DIDO1: variants seen among roughly 807,000 people sequenced by gnomAD.
DIDO1 encodes death-inducer obliterator 1.
In DIDO1, 16 loss-of-function variants were observed where a neutral mutation model predicts 99.4. That is an observed-to-expected ratio of 0.16 (90% CI 0.11 to 0.24). The LOEUF is 0.24. DIDO1 is among the 10% of genes least tolerant of loss of function. The pLI is 1.00. For missense variants in DIDO1, 2,996 were observed against 3,014.0 expected, an observed-to-expected ratio of 0.99 and a Z score of 0.14; for synonymous variants, 1,366 against 1,239.1, an observed-to-expected ratio of 1.10 and a Z score of -2.15.
In DIDO1 at chr20:62,895,030, G is replaced by T. The variant is rs757687449; in HGVS notation, c.2331+19C>A. On this transcript the variant is annotated intron_variant, in intron 9 of 15. Coordinates refer to ENST00000395343, the MANE Select transcript of DIDO1 (RefSeq NM_001193369.2). ...AGCTCGAGTCCTGGGTGCCTCCGCA[G>T]GTACCCCTCAGCACTCACAGATCTC... 6.2e-7 allele frequency: 1 copy of T among 1,601,668 alleles called. No individual in the cohort carries two copies. The highest frequency in any genetic ancestry group is 1.1e-5 in the South Asian group (1 of 90,888).
chr20:62,904,345 G>T (rs543605510), intron 6 of DIDO1, among the ~76,000 whole-genome samples: 1 of 152,156 alleles, frequency 6.6e-6, no homozygotes, highest in African/African-American at 2.4e-5. Flanking sequence ...CTCAAACAAT[G>T]TAAGGTATCG....
intron 5 of DIDO1, 48 bp from the exon 6 acceptor site, chr20:62,906,148 AC>A: frequency 1.9e-6 from 3 of 1,571,928 alleles, no homozygotes; most frequent in Non-Finnish European, 2.6e-6. Flanking sequence ...AAGAAATCAT[AC>A]CTTCACTTCA....
At chr20:62,926,060 C>G (rs1268301529) in intron 1 of DIDO1, among the ~76,000 whole-genome samples, 1 of 152,112 alleles carries the variant, frequency 6.6e-6, no homozygotes, top group Non-Finnish European at 1.5e-5. Context: ...TACGCAGCCC[C>G]CGAGCCCCGG....
rs372315232 is a variant in DIDO1, at chr20:62,894,516, C to T, written c.2469G>A (p.Glu823=). 4.6e-5 allele frequency: 74 copies of T among 1,612,854 alleles called. No individual in the cohort carries two copies. Among genetic ancestry groups the T allele is most frequent in the Non-Finnish European group, 5.9e-5 (70 of 1,180,024 alleles). The part of the protein sequence containing the change: ...EQQESARAVP[E]KSTAPLLDVF... Reference sequence around the variant, plus strand: ...CGTCGAGAAGCGGCGCTGTGCTCTTCTCAGGGACAGCACGTGCTGACTCTT... The same window carrying T: ...CGTCGAGAAGCGGCGCTGTGCTCTTTTCAGGGACAGCACGTGCTGACTCTT... The change falls in exon 11 of 16, where the codon GAG becomes GAA. Residue 823 remains glutamate, a synonymous_variant. Coordinates refer to ENST00000395343, the MANE Select transcript of DIDO1 (RefSeq NM_001193369.2). The surrounding 1 kb of genome is among the most constrained non-coding windows in gnomAD (Gnocchi z 4.4).
chr20:62,930,738 CTT>C (rs1257080583), upstream of DIDO1, among the ~76,000 whole-genome samples: 2 of 152,206 alleles, frequency 1.3e-5, no homozygotes, highest in Non-Finnish European at 2.9e-5. Context: ...TGTGCTATGA[CTT>C]TTAACTAGAA....
Position 62,880,012 on chromosome 20 carries a change from T to C in DIDO1, c.5944A>G (p.Arg1982Gly). 1 of 1,611,812 alleles carries C rather than the reference T, an allele frequency of 6.2e-7. No homozygotes were observed. Reference sequence around the variant, plus strand: ...CCAAACTGCAGGGGTGCAGGCGCCCTTTGGTTTGTGAATCTTGGTGGTGAA... The same window carrying C: ...CCAAACTGCAGGGGTGCAGGCGCCCCTTGGTTTGTGAATCTTGGTGGTGAA... ...VHSPPRFTNQRAPAPLQFGGL... is the reference protein window; with the variant it reads ...VHSPPRFTNQGAPAPLQFGGL... The change falls in exon 16 of 16, where the codon AGG becomes GGG. Residue 1982 changes from arginine (R) to glycine (G), a missense_variant. Arg to Gly is a moderately radical substitution (Grantham distance 125). Transcript: ENST00000395343.
chr20:62,913,816 G>A lies in DIDO1; in HGVS notation c.-3+394C>T, dbSNP rs563815839. Among the ~76,000 whole-genome samples, 4 of 152,360 alleles carry A rather than the reference G, an allele frequency of 2.6e-5. No homozygotes were observed. In the East Asian group the frequency reaches 7.7e-4, roughly 29 times the overall value. On this transcript the variant is annotated intron_variant, in intron 2 of 15. Transcript: ENST00000395343. ...CCATGCTGGTAGCTTTCTACAGGAA[G>A]AGCTCTAGTTTATAAAACTGGGTTC...
Position 62,911,227 on chromosome 20 carries a change from G to A in DIDO1, c.386C>T (p.Ser129Phe), listed in dbSNP as rs2064930292. 6.2e-7 allele frequency: 1 copy of A among 1,613,440 alleles called. No homozygotes were observed. The highest frequency in any genetic ancestry group is 1.7e-5 in the Admixed American group (1 of 60,010). The change falls in exon 3 of 16, where the codon TCC (serine) becomes TTC (phenylalanine). Residue 129 changes from serine to phenylalanine, a missense_variant. Around this residue, in one of 5 missense-constraint regions of DIDO1, gnomAD observed 388 missense variants for 376.6 expected, o/e 1.03. Coordinates refer to ENST00000395343, the MANE Select transcript of DIDO1 (RefSeq NM_001193369.2). The surrounding 1 kb of genome is among the most constrained non-coding windows in gnomAD (Gnocchi z 7.0). The stretch of plus-strand genomic sequence containing the variant: ...GGCTGGTCGTTCCTTCACAGCTGTG[G>A]AAGCAGACTGGGGGCCGCTTCTGGT... ...SETRSGPQSA[S>F]TAVKERPASS...
intron 6 of DIDO1, among the ~76,000 whole-genome samples, chr20:62,904,780 CAAAAAAA>C (rs58039393): frequency 0.042 from 2,603 of 62,562 alleles, 65 homozygotes; most frequent in Middle Eastern, 0.11. Flanking sequence ...ACTCTTGTCT[CAAAAAAA>C]AAAAAAAAAA....
intron 15 of DIDO1, chr20:62,889,348 G>A (rs1300059935): frequency 3.9e-5 from 38 of 972,590 alleles, no homozygotes; most frequent in South Asian, 9.5e-5. Flanking sequence ...GGCATGCGCC[G>A]GGGCTCGCTC....
At chr20:62,926,749 G>A (rs1234416172), upstream of DIDO1, among the ~76,000 whole-genome samples, 1 of 152,262 alleles carries the variant, frequency 6.6e-6, no homozygotes, top group Non-Finnish European at 1.5e-5. Flanking sequence ...CAGTGCCCTT[G>A]CGGGGATCCC....
intron 4 of DIDO1, 61 bp downstream of exon 4, chr20:62,909,638 A>G: frequency 6.3e-7 from 1 of 1,581,164 alleles, no homozygotes; most frequent in South Asian, 1.2e-5. Context: ...TTCTATCTAG[A>G]GCGAGACTGA....
intron 6 of DIDO1, among the ~76,000 whole-genome samples, chr20:62,900,226 T>A (rs11906880): frequency 0.025 from 3,880 of 152,356 alleles, 53 homozygotes; most frequent in African/African-American, 0.031. Flanking sequence ...GTCGCAGTGC[T>A]GTCTCCTTTA....
chr20:62,927,116 G>A (rs1468524707), upstream of DIDO1, among the ~76,000 whole-genome samples: 3 of 152,150 alleles, frequency 2.0e-5, no homozygotes, highest in Non-Finnish European at 4.4e-5. Context: ...GTGGGGGTGG[G>A]GGGGAGAGAA....
chr20:62,881,249 C>T lies in DIDO1; in HGVS notation c.4707G>A (p.Glu1569=). The T allele has an allele frequency of 5.6e-6, 9 of 1,602,710 alleles. No individual in the cohort carries two copies. The South Asian group carries it at 9.9e-5, about 18-fold the overall frequency. Residue 1569 remains glutamate (E), a synonymous_variant, in exon 16 of 16, where the codon GAG becomes GAA. Coordinates refer to ENST00000395343, the MANE Select transcript of DIDO1 (RefSeq NM_001193369.2). This position sits in a 1 kb window ranked among gnomAD's most constrained non-coding sequence, Gnocchi z 8.3. The part of the protein sequence containing the change: ...DPRQARRLAT[E]TGEGEGEPLS... ...GAGGCTCCCCCTCCCCCTCACCGGT[C>T]TCAGTGGCCAGGCGCCTCGCCTGCC...
Position 62,880,622 on chromosome 20 carries a change from G to A in DIDO1, c.5334C>T (p.Ala1778=), listed in dbSNP as rs1275951720. The A allele has an allele frequency of 1.2e-6, 2 of 1,612,936 alleles. 1 individual carries two copies. The highest frequency in any genetic ancestry group is 2.2e-5 in the South Asian group (2 of 91,086). ...CGATATTCTCTTCTGGAAACGGAGGGGCTGGCCCCCTTGGTCCCGGGAAAT... is the reference window on the plus strand; with the variant it reads ...CGATATTCTCTTCTGGAAACGGAGGAGCTGGCCCCCTTGGTCCCGGGAAAT... The part of the protein sequence containing the change: ...GPNFPGPRGP[A]PPFPEENIAS... The change falls in exon 16 of 16, where the codon GCC becomes GCT. Residue 1778 remains alanine, a synonymous_variant. Coordinates refer to ENST00000395343, the MANE Select transcript of DIDO1 (RefSeq NM_001193369.2).
chr20:62,928,990 G>T (rs1219089149), upstream of DIDO1: 1 of 152,150 alleles, frequency 6.6e-6, no homozygotes, highest in Non-Finnish European at 1.5e-5. Flanking sequence ...GCTTTCCGCT[G>T]TTATAAGCCT....
chr20:62,887,786 T>C, intron 15 of DIDO1: 2 of 985,474 alleles, frequency 2.0e-6, no homozygotes, highest in Non-Finnish European at 2.4e-6. Context: ...CCCAAGTCCC[T>C]GCGGGGGGCC....
intron 1 of DIDO1, among the ~76,000 whole-genome samples, chr20:62,935,771 G>A (rs956093560): frequency 1.3e-5 from 2 of 152,242 alleles, no homozygotes; most frequent in Non-Finnish European, 2.9e-5. Flanking sequence ...AATGAGTGAT[G>A]GCTTTTGGAG....
Sources: gnomAD v4.1 joint callset for allele counts (sites outside exome capture counted in the v4.1 genomes callset) on GRCh38, gnomAD v4.1.1 for gene constraint, gnomAD v4.1.1 regional missense constraint, Gnocchi (gnomAD v3.1) non-coding constraint, MANE v1.5 for transcripts, NCBI Gene and HGNC (gene_info 2026-07-23, HGNC 2026-07-21) for gene names.